PLXNA4: variants seen among roughly 807,000 people sequenced by gnomAD.
PLXNA4 encodes the protein plexin A4.
Under a neutral mutation model 191.8 loss-of-function variants are expected in PLXNA4, and 44 were observed. That is an observed-to-expected ratio of 0.23 (90% confidence interval 0.18 to 0.29). The LOEUF (loss-of-function observed/expected upper bound fraction) is 0.29. Among genes scored for constraint, PLXNA4 ranks in the 10% least tolerant of loss-of-function variants. The pLI is 1.00. For missense variants in PLXNA4, 1,800 were observed against 2,488.8 expected, an observed-to-expected ratio of 0.72 and a Z score of 5.89; for synonymous variants, 1,082 against 1,009.5, an observed-to-expected ratio of 1.07 and a Z score of -1.36.
At chr7:132,571,568 A>C (rs1347646827) in intron 1 of PLXNA4, among the ~76,000 whole-genome samples, 1 of 152,178 alleles carries the variant, frequency 6.6e-6, no homozygotes, top group Non-Finnish European at 1.5e-5. Context: ...TAATGGTAAG[A>C]ATCTTTGCCC....
At chr7:132,500,913 A>G (rs1009636164) in intron 2 of PLXNA4, among the ~76,000 whole-genome samples, 2 of 152,186 alleles carry the variant, frequency 1.3e-5, no homozygotes, top group African/African-American at 4.8e-5. Context: ...ACTGGCTGAG[A>G]CCCAAAGATC....
At position 132,508,048 on chromosome 7, in the gene PLXNA4, A is replaced by C; in HGVS notation, c.646T>G (p.Tyr216Asp). The change falls in exon 2 of 32, where the codon TAC becomes GAC. Residue 216 changes from tyrosine to aspartate, a missense_variant. This residue lies in a region of PLXNA4 where 1,397 missense variants were observed against 1,880.4 expected (regional missense o/e 0.74). Coordinates refer to ENST00000321063, the MANE Select transcript of PLXNA4 (RefSeq NM_020911.2). The surrounding 1 kb of genome is among the most constrained non-coding windows in gnomAD (Gnocchi z 4.4). ...KNSEADGMFA[Y>D]VFHDEFVASM... ...GCCACGAACTCATCATGGAAGACGT[A>C]CGCGAACATGCCATCCGCCTCAGAG... 2 of 1,614,256 alleles carry C rather than the reference A, an allele frequency of 1.2e-6. No homozygotes were observed. Among genetic ancestry groups the C allele is most frequent in the Non-Finnish European group, 8.5e-7 (1 of 1,180,050 alleles).
intron 3 of PLXNA4, among the ~76,000 whole-genome samples, chr7:132,369,099 C>G (rs1054696378): frequency 1.3e-5 from 2 of 152,144 alleles, no homozygotes; most frequent in Admixed American, 1.3e-4. Flanking sequence ...GAGCCCAGAG[C>G]CTCTCCCAGC....
chr7:132,571,476 T>G (rs1277041579), intron 1 of PLXNA4, among the ~76,000 whole-genome samples: 1 of 152,170 alleles, frequency 6.6e-6, no homozygotes, highest in African/African-American at 2.4e-5. Flanking sequence ...ATTTCTTCCC[T>G]GCTTCTGGAT....
rs931969528 is a variant in PLXNA4, at chr7:132,228,178, C to T, written c.1728+168G>A. Among the ~76,000 whole-genome samples, 8 of 152,106 alleles carry T rather than the reference C, an allele frequency of 5.3e-5. 1 individual carries two copies. The East Asian group carries it at 1.4e-3, about 26-fold the overall frequency. On this transcript the variant is annotated intron_variant, in intron 6 of 31. Transcript: ENST00000321063. Reference sequence around the variant, plus strand: ...CCTGTCCCTGTCTCCTTCTTGCATCCCCCCGTAGACACTTAATTCTTTGAT... The same window carrying T: ...CCTGTCCCTGTCTCCTTCTTGCATCTCCCCGTAGACACTTAATTCTTTGAT...
chr7:132,578,557 T>C (rs1563185527), upstream of PLXNA4, among the ~76,000 whole-genome samples: 1 of 152,158 alleles, frequency 6.6e-6, no homozygotes, highest in Non-Finnish European at 1.5e-5. Flanking sequence ...TTGTGTGAAT[T>C]GGGGAGCCTT....
chr7:132,424,606 G>A (rs1794973348), intron 3 of PLXNA4, among the ~76,000 whole-genome samples: 1 of 152,094 alleles, frequency 6.6e-6, no homozygotes, highest in African/African-American at 2.4e-5. Context: ...CCCATGTGAG[G>A]ACACTATACA....
chr7:132,189,981 G>GA lies in PLXNA4; in HGVS notation c.2857-2375dup, dbSNP rs1356961089. 2.6e-4 allele frequency among the ~76,000 whole-genome samples: 39 copies of GA among 152,284 alleles called. 2 individuals are homozygous for GA. Among genetic ancestry groups the GA allele is most frequent in the African/African-American group, 8.7e-4 (36 of 41,552 alleles). On this transcript the variant is annotated intron_variant, in intron 14 of 31. Transcript: ENST00000321063. Reference sequence around the variant, plus strand: ...ATTCCTCAAAGATGTCCCTTAAGTAGAAAAATGACAAATCTTTGAGCTTCA... The same window carrying GA: ...ATTCCTCAAAGATGTCCCTTAAGTAGAAAAAATGACAAATCTTTGAGCTTCA...
chr7:132,477,828 T>A (rs575628577), intron 3 of PLXNA4, among the ~76,000 whole-genome samples: 1 of 152,320 alleles, frequency 6.6e-6, no homozygotes, highest in South Asian at 2.1e-4. Context: ...TCAGCTACAA[T>A]GTTGAAAGCT....
chr7:132,405,601 C>A (rs542084086), intron 3 of PLXNA4, among the ~76,000 whole-genome samples: 1 of 152,310 alleles, frequency 6.6e-6, no homozygotes, highest in South Asian at 2.1e-4. Flanking sequence ...CAATCTGGAG[C>A]CCAGGCTGCA....
At chr7:132,254,762 G>T (rs1162978566) in intron 4 of PLXNA4, among the ~76,000 whole-genome samples, 1 of 152,208 alleles carries the variant, frequency 6.6e-6, no homozygotes, top group Admixed American at 6.5e-5. Context: ...TTCAAGGGGT[G>T]AGTGGTGGTG....
intron 4 of PLXNA4, among the ~76,000 whole-genome samples, chr7:132,287,668 G>A (rs565541946): frequency 6.6e-6 from 1 of 152,252 alleles, no homozygotes; most frequent in East Asian, 1.9e-4. Flanking sequence ...TCAGATGTCA[G>A]AGACTTTTGC....
intron 30 of PLXNA4, among the ~76,000 whole-genome samples, chr7:132,139,457 G>A (rs1795203749): frequency 2.6e-5 from 4 of 152,146 alleles, no homozygotes; most frequent in African/African-American, 9.7e-5. Context: ...CTTCCCTCTA[G>A]GTTTCCTATA....
intron 4 of PLXNA4, among the ~76,000 whole-genome samples, chr7:132,273,358 G>A (rs1424112732): frequency 5.6e-5 from 8 of 144,014 alleles, no homozygotes; most frequent in Admixed American, 2.7e-4. Flanking sequence ...ACACACACAC[G>A]CACGCACACG....
chr7:132,384,784 ACACACACT>A (rs1214748335), intron 3 of PLXNA4: 7 of 1,093,620 alleles, frequency 6.4e-6, no homozygotes, highest in South Asian at 2.1e-5. Context: ...ACACACACAC[ACACACACT>A]GGCCAGGCGA....
chr7:132,219,051 C>T (rs1198183140), intron 9 of PLXNA4, among the ~76,000 whole-genome samples: 2 of 152,172 alleles, frequency 1.3e-5, no homozygotes, highest in Non-Finnish European at 2.9e-5. Context: ...GAAAGCATTC[C>T]TGAGATGCAA....
chr7:132,521,030 G>A (rs1324990691), intron 1 of PLXNA4, among the ~76,000 whole-genome samples: 2 of 152,058 alleles, frequency 1.3e-5, no homozygotes, highest in African/African-American at 4.8e-5. Flanking sequence ...TGTCTCCCTT[G>A]CTGGTCTATA....
intron 1 of PLXNA4, among the ~76,000 whole-genome samples, chr7:132,572,002 G>C (rs1259910960): frequency 6.6e-6 from 1 of 152,194 alleles, no homozygotes; most frequent in East Asian, 1.9e-4. Flanking sequence ...TCGAGGCTCA[G>C]TGAATAAATA....
At chr7:132,563,022 CTCTTTCT>C (rs1801362830) in intron 1 of PLXNA4, among the ~76,000 whole-genome samples, 2 of 113,434 alleles carry the variant, frequency 1.8e-5, no homozygotes, top group Non-Finnish European at 3.7e-5. Context: ...CTTTCTCTTC[CTCTTTCT>C]CCTCCTCCTT....
Sources: allele counts gnomAD v4.1 joint callset (sites outside exome capture counted in the v4.1 genomes callset), GRCh38; gene constraint gnomAD v4.1.1; regional missense constraint gnomAD v4.1.1; non-coding constraint Gnocchi (gnomAD v3.1); transcripts MANE v1.5; gene names NCBI Gene and HGNC (gene_info 2026-07-23, HGNC 2026-07-21).